The following DMD variants were observed in gnomAD, a reference collection of about 807,000 sequenced individuals.
DMD encodes dystrophin, also known as mutant dystrophin.
DMD carries 63 observed loss-of-function variants against 330.1 expected under a neutral mutation model. The observed-to-expected ratio is 0.19, with a 90% CI of 0.16 to 0.24. The LOEUF (loss-of-function observed/expected upper bound fraction) is 0.24, where lower values mean the gene tolerates loss of function less well. Among genes scored for constraint, DMD ranks in the 10% least tolerant of loss-of-function variants. The pLI, the probability that DMD is intolerant of heterozygous loss-of-function variation, is 1.00. For synonymous variants in DMD, 1,223 were observed against 959.8 expected, an observed-to-expected ratio of 1.27 and a Z score of -5.07; for missense variants, 3,344 against 2,684.1, an observed-to-expected ratio of 1.25 and a Z score of -5.43.
chrX:33,195,350 G>A (rs1289391026), intron 1 of DMD, among the ~76,000 whole-genome samples: 7 of 111,546 alleles, frequency 6.3e-5, no homozygotes, highest in Non-Finnish European at 1.3e-4. Flanking sequence ...GACACCCACT[G>A]GACTTAGAGC....
At chrX:33,297,747 G>A (rs1422742166) in intron 1 of DMD, among the ~76,000 whole-genome samples, 2 of 111,347 alleles carry the variant, frequency 1.8e-5, no homozygotes, top group Non-Finnish European at 3.8e-5. Flanking sequence ...GACAAATGTT[G>A]CATGATATTA....
chrX:32,119,997 C>T (rs918436539), intron 44 of DMD, among the ~76,000 whole-genome samples: 1 of 111,949 alleles, frequency 8.9e-6, no homozygotes, highest in Non-Finnish European at 1.9e-5. Context: ...TGTCTTTCAT[C>T]TCTTTATCAC....
intron 4 of DMD, among the ~76,000 whole-genome samples, chrX:32,830,740 CTG>C (rs778890922): frequency 2.7e-5 from 3 of 111,809 alleles, no homozygotes; most frequent in South Asian, 7.4e-4. Flanking sequence ...ACATGGGATG[CTG>C]TCTCAGAGTT....
intron 18 of DMD, among the ~76,000 whole-genome samples, chrX:32,504,169 T>C (rs954250893): frequency 8.9e-6 from 1 of 112,526 alleles, no homozygotes; most frequent in African/African-American, 3.2e-5. Context: ...ACCCTTCTTT[T>C]GTTTTAATTA....
chrX:32,483,807 C>T (rs1322419815), intron 21 of DMD, among the ~76,000 whole-genome samples: 5 of 62,990 alleles, frequency 7.9e-5, no homozygotes, highest in Non-Finnish European at 1.4e-4. Context: ...TTAGCAAAAA[C>T]GACTCTGAAG....
Position 32,339,627 on chromosome X carries a change from G to A in DMD, c.5922+2473C>T, listed in dbSNP as rs374988683. Among the ~76,000 whole-genome samples the A allele has an allele frequency of 1.6e-4, 18 of 111,457 alleles. No homozygotes were observed. In the East Asian group the frequency reaches 5.2e-3, roughly 32 times the overall value. ...TTACTACCATATATAGCTCTGACAT[G>A]GACAGAGTCCCCTAAATGCCTTAAT... On this transcript the variant is annotated intron_variant, in intron 41 of 78. Coordinates refer to ENST00000357033, the MANE Select transcript of DMD (RefSeq NM_004006.3).
At chrX:31,749,902 G>A (rs1408525781) in intron 51 of DMD, among the ~76,000 whole-genome samples, 1 of 105,941 alleles carries the variant, frequency 9.4e-6, no homozygotes, top group Non-Finnish European at 1.9e-5. Context: ...CAGTGATGGT[G>A]AGCATTTTTT....
At chrX:31,373,257 T>C (rs1371997742) in intron 60 of DMD, among the ~76,000 whole-genome samples, 9 of 106,760 alleles carry the variant, frequency 8.4e-5, no homozygotes, top group African/African-American at 3.1e-4. Flanking sequence ...AGGAAATTTA[T>C]AGATTCAATG....
At chrX:31,362,128 A>C (rs752705812) in intron 60 of DMD, among the ~76,000 whole-genome samples, 1 of 112,553 alleles carries the variant, frequency 8.9e-6, no homozygotes, top group East Asian at 2.8e-4. Context: ...ATAGATGATT[A>C]AATATAAAAG....
chrX:31,983,980 C>A (rs2095493631), intron 44 of DMD, among the ~76,000 whole-genome samples: 1 of 111,290 alleles, frequency 9.0e-6, no homozygotes, highest in South Asian at 3.7e-4. Flanking sequence ...GGTACTGGCT[C>A]TTTTCTGACT....
chrX:31,719,323 A>C (rs1160547609), intron 52 of DMD, among the ~76,000 whole-genome samples: 1 of 112,335 alleles, frequency 8.9e-6, no homozygotes, highest in Non-Finnish European at 1.9e-5. Flanking sequence ...TTAAAGAAGG[A>C]CATTCTTATG....
intron 9 of DMD, among the ~76,000 whole-genome samples, chrX:32,660,268 G>A (rs2060861154): frequency 1.8e-5 from 2 of 110,719 alleles, no homozygotes; most frequent in South Asian, 7.6e-4. Context: ...ATCAGGGTGG[G>A]CTAAGTGATA....
chrX:33,238,487 C>T (rs2052526040), intron 1 of DMD, among the ~76,000 whole-genome samples: 1 of 111,068 alleles, frequency 9.0e-6, no homozygotes, highest in African/African-American at 3.3e-5. Context: ...AGCACCCTCT[C>T]TCCCCCCTGT....
chrX:32,701,014 T>C (rs1388293432), intron 7 of DMD, among the ~76,000 whole-genome samples: 1 of 112,048 alleles, frequency 8.9e-6, no homozygotes, highest in African/African-American at 3.2e-5. Context: ...AAAATTAATG[T>C]TCCTTGGTCT....
At chrX:32,131,565 A>T (rs1205449662) in intron 44 of DMD, among the ~76,000 whole-genome samples, 3 of 112,213 alleles carry the variant, frequency 2.7e-5, no homozygotes, top group African/African-American at 9.7e-5. Context: ...TCATGTATAG[A>T]CATCCTAACA....
chrX:33,020,225 AAGTT>A (rs2093887317), intron 1 of DMD, 25 bp from the exon 2 acceptor site: 16 of 1,029,433 alleles, frequency 1.6e-5, no homozygotes, highest in Middle Eastern at 2.6e-4. Flanking sequence ...AAAAAAATAA[AAGTT>A]AGGAAGCAAC....
chrX:32,515,126 CG>C (rs1714994850), intron 18 of DMD, among the ~76,000 whole-genome samples: 1 of 111,117 alleles, frequency 9.0e-6, no homozygotes, highest in South Asian at 3.8e-4. Context: ...GTGCTGTTTT[CG>C]AGGGTAAAAT....
At chrX:33,257,735 G>C (rs998855938) in intron 1 of DMD, among the ~76,000 whole-genome samples, 3 of 110,824 alleles carry the variant, frequency 2.7e-5, no homozygotes, top group Non-Finnish European at 5.7e-5. Context: ...ATTTTGCACA[G>C]TTATATTTTT....
chrX:31,366,039 T>C (rs1370361712), intron 60 of DMD, among the ~76,000 whole-genome samples: 1 of 112,385 alleles, frequency 8.9e-6, no homozygotes, highest in East Asian at 2.8e-4. Flanking sequence ...TTCAAACTCA[T>C]TGACAGTCAC....
Sources: gnomAD v4.1 joint callset for allele counts (sites outside exome capture counted in the v4.1 genomes callset) on GRCh38, gnomAD v4.1.1 for gene constraint, MANE v1.5 for transcripts, NCBI Gene and HGNC (gene_info 2026-07-23, HGNC 2026-07-21) for gene names.